Variants in NOS1 observed in about 807,000 individuals in gnomAD.
NOS1 encodes the protein nitric oxide synthase 1.
A neutral mutation model predicts 164.5 loss-of-function variants in NOS1; 51 were observed. The observed-to-expected ratio is 0.31, with a 90% confidence interval of 0.25 to 0.39. The LOEUF (loss-of-function observed/expected upper bound fraction) is 0.39, where lower values mean the gene tolerates loss of function less well. Among genes scored for constraint, NOS1 ranks in the 10% least tolerant of loss-of-function variants. The probability of loss-of-function intolerance (pLI) is 1.00; values close to 1 mark genes in which losing one functional copy is unlikely to be tolerated. For synonymous variants in NOS1, 719 were observed against 745.8 expected (o/e 0.96, Z 0.59); for missense variants, 1,362 against 1,885.6 (o/e 0.72, Z 5.14).
chr12:117,273,744 T>G, intron 9 of NOS1, among the ~76,000 whole-genome samples: 1 of 152,210 alleles, frequency 6.6e-6, no homozygotes. Flanking sequence ...TACACTTGTA[T>G]GACACCTCGT....
intron 21 of NOS1, among the ~76,000 whole-genome samples, chr12:117,233,705 G>C (rs1028954874): frequency 6.6e-5 from 10 of 151,638 alleles, no homozygotes; most frequent in African/African-American, 2.4e-4. Context: ...CTACTCAGGA[G>C]GCTAAGGCAG....
At position 117,247,522 on chromosome 12, in the gene NOS1, C is replaced by T. The variant is rs1870715521; in HGVS notation, c.2649G>A (p.Arg883=). 6.2e-7 allele frequency: 1 copy of T among 1,607,628 alleles called. No homozygotes were observed. The highest frequency in any genetic ancestry group is 1.1e-5 in the South Asian group (1 of 89,928). The change falls in exon 18 of 29, where the codon AGG becomes AGA. Residue 883 remains arginine (R), a splice_region_variant and synonymous_variant. Transcript: ENST00000317775. ...FESAGPLANV[R]FSVFGLGSRA... ...GTGAGCCGAGGCCAAAAACTGAGAA[C>T]CTGTCAAGGAGATGACAGAATGTTC...
intron 22 of NOS1, 148 bp downstream of exon 22, chr12:117,231,814 C>T: frequency 2.4e-6 from 2 of 832,792 alleles, no homozygotes; most frequent in South Asian, 3.5e-5. Flanking sequence ...CCACGTTGGA[C>T]CAGCCAATAT....
rs912497589 is a variant in NOS1, at chr12:117,234,539, C to G, written c.3235+26G>C. On this transcript the variant is annotated intron_variant, in intron 21 of 28. Coordinates refer to ENST00000317775, the MANE Select transcript of NOS1 (RefSeq NM_000620.5). The surrounding 1 kb of genome is among the most constrained non-coding windows in gnomAD (Gnocchi z 4.3). ...CCACTGCCTCTGCAGCTCCCTAGAG[C>G]AGGGAAGGGTCCCCGGGAATGTTAC... 1 of 1,598,718 alleles carries G rather than the reference C, an allele frequency of 6.3e-7. No individual in the cohort carries two copies. Among genetic ancestry groups the G allele is most frequent in the African/African-American group, 1.3e-5 (1 of 74,716 alleles).
chr12:117,243,546 CA>C lies in NOS1; in HGVS notation c.2824-112del. 1 of 1,199,166 alleles carries C rather than the reference CA, an allele frequency of 8.3e-7. No individual in the cohort carries two copies. The highest frequency in any genetic ancestry group is 1.5e-5 in the South Asian group (1 of 68,962). 74.3% of individuals were successfully genotyped at this position (1,199,166 alleles called of 1,614,324 possible). ...TCATTCACCCATCCATCCATCTATC[CA>C]ACCATCCATCCATCCATCCATCCAT... is the stretch of plus-strand genomic sequence containing the variant. On this transcript the variant is annotated intron_variant, in intron 18 of 28. Transcript: ENST00000317775. The surrounding 1 kb of genome is among the most constrained non-coding windows in gnomAD (Gnocchi z 4.3).
chr12:117,339,287 G>A (rs1429396121), intron 1 of NOS1, among the ~76,000 whole-genome samples: 1 of 152,138 alleles, frequency 6.6e-6, no homozygotes, highest in East Asian at 1.9e-4. Context: ...CTATGATGAT[G>A]TCAATCTTCC....
At chr12:117,286,950 C>T (rs1872746026) in intron 5 of NOS1, among the ~76,000 whole-genome samples, 1 of 152,330 alleles carries the variant, frequency 6.6e-6, no homozygotes, top group South Asian at 2.1e-4. Flanking sequence ...TATGGTGGCT[C>T]ACACCTGTAG....
chr12:117,243,295 A>G lies in NOS1; in HGVS notation c.2962+2T>C. 1 of 1,613,980 alleles carries G rather than the reference A, an allele frequency of 6.2e-7. No homozygotes were observed. Among genetic ancestry groups the G allele is most frequent in the Non-Finnish European group, 8.5e-7 (1 of 1,179,976 alleles). The stretch of plus-strand genomic sequence containing the variant: ...CCTCCCTGGAAGGGTGGTGGGAGGT[A>G]CCTTGTGTGAGTTCTGGAGCTTCGG... On this transcript the variant is annotated splice_donor_variant, in intron 19 of 28. Coordinates refer to ENST00000317775, the MANE Select transcript of NOS1 (RefSeq NM_000620.5). LOFTEE classifies it high-confidence loss of function. This position sits in a 1 kb window ranked among gnomAD's most constrained non-coding sequence, Gnocchi z 4.3.
intron 14 of NOS1, among the ~76,000 whole-genome samples, 194 bp from the exon 15 acceptor site, chr12:117,259,324 G>C (rs1871703853): frequency 1.3e-5 from 2 of 152,180 alleles, no homozygotes; most frequent in Non-Finnish European, 2.9e-5. Context: ...GGCTCAAGTG[G>C]GTAGAACTAA....
At position 117,211,139 on chromosome 12, in the gene NOS1, A is replaced by T; in HGVS notation, c.*4170T>A. 1 of 655,626 alleles carries T rather than the reference A, an allele frequency of 1.5e-6. No homozygotes were observed. The highest frequency in any genetic ancestry group is 1.9e-6 in the Non-Finnish European group (1 of 529,356). 40.6% of individuals were successfully genotyped at this position (655,626 alleles called of 1,614,324 possible). ...GCCCAGCTAATTTTTGTATTTTCTTAGTAGAGTCAGGGTTTCTACTAACTG... is the reference window on the plus strand; with the variant it reads ...GCCCAGCTAATTTTTGTATTTTCTTTGTAGAGTCAGGGTTTCTACTAACTG... On this transcript the variant is annotated 3_prime_UTR_variant, in exon 29 of 29. Transcript: ENST00000317775.
intron 18 of NOS1, chr12:117,245,966 G>A (rs558981055): frequency 6.5e-6 from 1 of 153,034 alleles, no homozygotes; most frequent in East Asian, 1.9e-4. Context: ...TATAGGGATA[G>A]GAATCTCTCT....
At position 117,221,719 on chromosome 12, in the gene NOS1, G is replaced by C. The variant is rs1333482327; in HGVS notation, c.3975+996C>G. ...CATGATCACAGCTCACTGAAGCCTT[G>C]ACCTCCCAGGCTACCCTCCCACCTC... On this transcript the variant is annotated intron_variant, in intron 26 of 28. Coordinates refer to ENST00000317775, the MANE Select transcript of NOS1 (RefSeq NM_000620.5). 5.3e-5 allele frequency among the ~76,000 whole-genome samples: 8 copies of C among 150,420 alleles called. No individual in the cohort carries two copies. In the East Asian group the frequency reaches 1.4e-3, roughly 26 times the overall value.
intron 25 of NOS1, 46 bp downstream of exon 25, chr12:117,224,970 C>T (rs1330130390): frequency 1.2e-6 from 2 of 1,612,920 alleles, no homozygotes; most frequent in South Asian, 2.2e-5. Context: ...CTGGACCTCC[C>T]CAGGTCCGGG....
intron 20 of NOS1, among the ~76,000 whole-genome samples, chr12:117,235,050 TGGG>T (rs1028044101): frequency 3.3e-5 from 5 of 152,012 alleles, no homozygotes; most frequent in African/African-American, 1.2e-4. Flanking sequence ...CCCAAGTAGC[TGGG>T]ACTATAGGCA....
rs1956467909 is a variant in NOS1, at chr12:117,208,261, T to A, written c.*7048A>T. On this transcript the variant is annotated 3_prime_UTR_variant, in exon 29 of 29. Coordinates refer to ENST00000317775, the MANE Select transcript of NOS1 (RefSeq NM_000620.5). ...AGAAGAGCATGCGACAAACACAGCCTGGACAACCTCGCAAAGAGCGTGGGG... is the reference window on the plus strand; with the variant it reads ...AGAAGAGCATGCGACAAACACAGCCAGGACAACCTCGCAAAGAGCGTGGGG... 2 of 1,284,738 alleles carry A rather than the reference T, an allele frequency of 1.6e-6. No homozygotes were observed. Among genetic ancestry groups the A allele is most frequent in the Non-Finnish European group, 2.0e-6 (2 of 985,774 alleles). 79.6% of individuals were successfully genotyped at this position (1,284,738 alleles called of 1,614,324 possible).
intron 12 of NOS1, 33 bp downstream of exon 12, chr12:117,265,283 T>A: frequency 6.7e-7 from 1 of 1,500,954 alleles, no homozygotes; most frequent in East Asian, 2.4e-5. Flanking sequence ...TACAGGACAC[T>A]TAATATGAAA....
At chr12:117,299,453 A>T (rs2136039766) in intron 3 of NOS1, among the ~76,000 whole-genome samples, 1 of 152,068 alleles carries the variant, frequency 6.6e-6, no homozygotes, top group Admixed American at 6.6e-5. Context: ...CCTGGCTAAC[A>T]CGGTGAAACC....
At chr12:117,265,241 G>T in intron 12 of NOS1, 75 bp downstream of exon 12, 1 of 1,359,520 alleles carries the variant, frequency 7.4e-7, no homozygotes, top group Non-Finnish European at 9.8e-7. Context: ...AGCCTGGGTT[G>T]AAATGAGCCT....
chr12:117,348,849 C>T (rs980735157), intron 1 of NOS1, among the ~76,000 whole-genome samples: 4 of 152,074 alleles, frequency 2.6e-5, no homozygotes, highest in African/African-American at 4.8e-5. Context: ...AAATCAGCGC[C>T]GAAAGCAATG....
Sources: gnomAD v4.1 joint callset for allele counts (sites outside exome capture counted in the v4.1 genomes callset) on GRCh38, gnomAD v4.1.1 for gene constraint, Gnocchi (gnomAD v3.1) non-coding constraint, MANE v1.5 for transcripts, NCBI Gene and HGNC (gene_info 2026-07-23, HGNC 2026-07-21) for gene names.